EDIL3: variants seen among roughly 807,000 people sequenced by gnomAD.
EDIL3 encodes the protein EGF-like repeat and discoidin I-like domain-containing protein 3.
In EDIL3, 37 loss-of-function variants were observed where a neutral mutation model predicts 67.4. The ratio of observed to expected loss-of-function variants is 0.55; its 90% CI spans 0.42 to 0.72. The LOEUF is 0.72. Among genes scored for constraint, EDIL3 ranks in the 30% least tolerant of loss-of-function variants. EDIL3 has a pLI of 0.00. For synonymous variants in EDIL3, 195 were observed against 196.3 expected (o/e 0.99, Z 0.05); for missense variants, 527 against 586.3 (o/e 0.90, Z 1.04).
intron 5 of EDIL3, among the ~76,000 whole-genome samples, chr5:84,133,694 T>C (rs543492086): frequency 1.3e-5 from 2 of 152,066 alleles, no homozygotes; most frequent in East Asian, 3.9e-4. Context: ...GAAGAATTGA[T>C]GTAATGGTGT....
chr5:84,062,959 G>A (rs889607385), intron 8 of EDIL3, among the ~76,000 whole-genome samples: 1 of 152,084 alleles, frequency 6.6e-6, no homozygotes, highest in Admixed American at 6.6e-5. Flanking sequence ...CTATAATGAA[G>A]TGCTCTAGTT....
intron 9 of EDIL3, among the ~76,000 whole-genome samples, chr5:84,014,600 A>G (rs1745568462): frequency 6.6e-6 from 1 of 152,152 alleles, no homozygotes. Context: ...AGCCGAGATC[A>G]TGCCACTGCA....
intron 3 of EDIL3, among the ~76,000 whole-genome samples, chr5:84,191,714 C>T (rs188683048): frequency 4.0e-5 from 6 of 151,874 alleles, no homozygotes; most frequent in Admixed American, 1.3e-4. Context: ...CCAAAGCAAA[C>T]CAATATTTTT....
intron 1 of EDIL3, among the ~76,000 whole-genome samples, chr5:84,357,271 T>C (rs1433300053): frequency 6.6e-6 from 1 of 152,140 alleles, no homozygotes; most frequent in African/African-American, 2.4e-5. Context: ...TTCTAATTTG[T>C]ACAATTTCCA....
chr5:84,290,971 C>T lies in EDIL3; in HGVS notation c.68-36759G>A, dbSNP rs75157296. 4.1e-3 allele frequency among the ~76,000 whole-genome samples: 619 copies of T among 152,248 alleles called. 6 individuals are homozygous for T. The highest frequency in any genetic ancestry group is 0.014 in the African/African-American group (572 of 41,560). The stretch of plus-strand genomic sequence containing the variant: ...ATTTGTGATTTCAGCTTTAGTCTCA[C>T]TGCAACATTTAAACTAAAAATATTC... On this transcript the variant is annotated intron_variant, in intron 1 of 10. Coordinates refer to ENST00000296591, the MANE Select transcript of EDIL3 (RefSeq NM_005711.5).
chr5:84,243,277 G>A (rs1460595373), intron 2 of EDIL3, among the ~76,000 whole-genome samples: 2 of 152,184 alleles, frequency 1.3e-5, no homozygotes, highest in Non-Finnish European at 2.9e-5. Context: ...GCTTTACTAC[G>A]GTAGTTGTGG....
intron 1 of EDIL3, among the ~76,000 whole-genome samples, chr5:84,324,752 T>G (rs1373506130): frequency 6.6e-6 from 1 of 151,718 alleles, no homozygotes; most frequent in Non-Finnish European, 1.5e-5. Context: ...ATAGAAATAA[T>G]AAAGCTTATG....
chr5:84,169,045 A>G (rs73769760), intron 4 of EDIL3, among the ~76,000 whole-genome samples: 3,082 of 152,084 alleles, frequency 0.02, 101 homozygotes, highest in African/African-American at 0.066. Context: ...AATCCTTGTG[A>G]TTCACATACT....
At chr5:84,360,651 T>C (rs1377255631) in intron 1 of EDIL3, among the ~76,000 whole-genome samples, 1 of 151,982 alleles carries the variant, frequency 6.6e-6, no homozygotes, top group East Asian at 1.9e-4. Flanking sequence ...GAAAGGAAAA[T>C]AGACCTAGGA....
At chr5:84,074,152 A>G (rs1746804099) in intron 6 of EDIL3, among the ~76,000 whole-genome samples, 1 of 151,664 alleles carries the variant, frequency 6.6e-6, no homozygotes, top group South Asian at 2.1e-4. Context: ...CATATGTAGA[A>G]AGCGGAAACT....
At chr5:84,203,643 G>A (rs1434330308) in intron 3 of EDIL3, among the ~76,000 whole-genome samples, 1 of 152,116 alleles carries the variant, frequency 6.6e-6, no homozygotes, top group African/African-American at 2.4e-5. Context: ...TCACATAACT[G>A]AGTGACTATT....
intron 1 of EDIL3, among the ~76,000 whole-genome samples, chr5:84,348,224 T>C (rs901569065): frequency 6.6e-6 from 1 of 152,202 alleles, no homozygotes; most frequent in Admixed American, 6.5e-5. Context: ...AGAGTATTTA[T>C]ACAGCAAGTC....
At chr5:84,320,489 C>G (rs2112154949) in intron 1 of EDIL3, among the ~76,000 whole-genome samples, 1 of 152,018 alleles carries the variant, frequency 6.6e-6, no homozygotes, top group Non-Finnish European at 1.5e-5. Context: ...TCCAGCCCAT[C>G]CAAGGAAAGG....
At chr5:84,030,409 T>C (rs1269140053) in intron 9 of EDIL3, among the ~76,000 whole-genome samples, 2 of 152,190 alleles carry the variant, frequency 1.3e-5, no homozygotes, top group African/African-American at 4.8e-5. Flanking sequence ...TGAGGTTAAA[T>C]GGTGTTCCTT....
At chr5:83,999,986 G>A (rs922846178) in intron 9 of EDIL3, among the ~76,000 whole-genome samples, 4 of 146,610 alleles carry the variant, frequency 2.7e-5, no homozygotes, top group African/African-American at 1.0e-4. Flanking sequence ...AGAGTAGCAT[G>A]ACATATTTCA....
chr5:84,232,881 T>TA (rs1351377864), intron 2 of EDIL3, among the ~76,000 whole-genome samples: 6 of 152,058 alleles, frequency 3.9e-5, no homozygotes, highest in Admixed American at 6.6e-5. Context: ...AGCCCCAGAG[T>TA]AAAAATAAAC....
chr5:84,053,373 A>G (rs2112227279), intron 9 of EDIL3, among the ~76,000 whole-genome samples: 1 of 152,338 alleles, frequency 6.6e-6, no homozygotes, highest in Middle Eastern at 3.4e-3. Context: ...TCTAAAATTG[A>G]CACCCTAACA....
chr5:83,948,055 TGTA>T (rs1450776804), intron 10 of EDIL3, among the ~76,000 whole-genome samples: 1 of 151,864 alleles, frequency 6.6e-6, no homozygotes, highest in Non-Finnish European at 1.5e-5. Context: ...GCGCCTTTGT[TGTA>T]GATGCAATAT....
chr5:84,378,893 T>C (rs1416522367), intron 1 of EDIL3, among the ~76,000 whole-genome samples: 1 of 152,210 alleles, frequency 6.6e-6, no homozygotes, highest in Non-Finnish European at 1.5e-5. Flanking sequence ...TTTTCTTTCC[T>C]CACAAAAAGA....
Sources: gnomAD v4.1 joint callset for allele counts (sites outside exome capture counted in the v4.1 genomes callset) on GRCh38, gnomAD v4.1.1 for gene constraint, MANE v1.5 for transcripts, NCBI Gene and HGNC (gene_info 2026-07-23, HGNC 2026-07-21) for gene names.